The following DOCK3 variants were observed in gnomAD, a reference collection of about 807,000 sequenced individuals.
The protein encoded by DOCK3 is dedicator of cytokinesis protein 3.
A neutral mutation model predicts 265.6 loss-of-function variants in DOCK3; 60 were observed. The observed-to-expected ratio is 0.23, with a 90% confidence interval of 0.18 to 0.28. DOCK3 has a LOEUF of 0.28. DOCK3 is among the 10% of genes least tolerant of loss of function. DOCK3 has a pLI of 1.00. For missense variants in DOCK3, 1,981 were observed against 2,594.3 expected, an observed-to-expected ratio of 0.76 and a Z score of 5.14; for synonymous variants, 881 against 938.0, an observed-to-expected ratio of 0.94 and a Z score of 1.11.
chr3:50,895,917 T>C (rs2048872381), intron 4 of DOCK3, among the ~76,000 whole-genome samples: 1 of 152,230 alleles, frequency 6.6e-6, no homozygotes, highest in African/African-American at 2.4e-5. Context: ...AGTCTATCAT[T>C]GAAGGGCATT....
At chr3:50,726,261 C>T (rs151253636) in intron 1 of DOCK3, among the ~76,000 whole-genome samples, 1 of 152,218 alleles carries the variant, frequency 6.6e-6, no homozygotes, top group East Asian at 1.9e-4. Flanking sequence ...GTGGATTCAG[C>T]AGGCTGACTG....
chr3:51,052,478 C>T (rs1399670987), intron 5 of DOCK3, among the ~76,000 whole-genome samples: 1 of 152,120 alleles, frequency 6.6e-6, no homozygotes, highest in Non-Finnish European at 1.5e-5. Context: ...CCAACCTAGG[C>T]AGCAGAGCAA....
intron 1 of DOCK3, among the ~76,000 whole-genome samples, chr3:50,731,090 C>G (rs2038180844): frequency 6.6e-6 from 1 of 151,402 alleles, no homozygotes; most frequent in Non-Finnish European, 1.5e-5. Flanking sequence ...CGAGATCCCA[C>G]CACTGCACTC....
intron 1 of DOCK3, among the ~76,000 whole-genome samples, chr3:50,714,363 C>A (rs2036963535): frequency 6.6e-6 from 1 of 152,202 alleles, no homozygotes; most frequent in Admixed American, 6.5e-5. Context: ...AGCTTTGTCC[C>A]AATCACCAAG....
At chr3:50,831,388 C>T (rs1311377426) in intron 2 of DOCK3, among the ~76,000 whole-genome samples, 1 of 151,998 alleles carries the variant, frequency 6.6e-6, no homozygotes, top group Non-Finnish European at 1.5e-5. Context: ...AGTCCCCCAC[C>T]CTCTGACATG....
rs201894970 is a variant in DOCK3 at position 51,341,295 on chromosome 3, A to G, written c.3825A>G (p.Leu1275=). The G allele has an allele frequency of 6.2e-7, 1 of 1,612,236 alleles. No individual in the cohort carries two copies. Among genetic ancestry groups the G allele is most frequent in the East Asian group, 2.2e-5 (1 of 44,872 alleles). The part of the protein sequence containing the change: ...CELLQWEDRP[L]REFLHYPSQT... Reference sequence around the variant, plus strand: ...TGCTGCAGTGGGAGGACCGGCCACTACGGGAATTCCTCCACTACCCATCGC... The same window carrying G: ...TGCTGCAGTGGGAGGACCGGCCACTGCGGGAATTCCTCCACTACCCATCGC... The change falls in exon 38 of 53, where the codon CTA becomes CTG. Residue 1275 remains leucine, a synonymous_variant. Coordinates refer to ENST00000266037, the MANE Select transcript of DOCK3 (RefSeq NM_004947.5).
chr3:51,304,755 A>G (rs1176923370), intron 27 of DOCK3, among the ~76,000 whole-genome samples: 2 of 151,968 alleles, frequency 1.3e-5, no homozygotes, highest in African/African-American at 4.8e-5. Context: ...CCATCGCACC[A>G]CCCTGCTTTT....
intron 32 of DOCK3, among the ~76,000 whole-genome samples, chr3:51,325,590 C>A (rs1299973297): frequency 6.6e-6 from 1 of 152,162 alleles, no homozygotes; most frequent in Non-Finnish European, 1.5e-5. Context: ...ATAAATCATT[C>A]TACTATAAAG....
intron 33 of DOCK3, 141 bp downstream of exon 33, chr3:51,330,364 G>A: frequency 7.7e-6 from 5 of 649,674 alleles, no homozygotes; most frequent in Non-Finnish European, 1.3e-5. Flanking sequence ...TGGTAGCAAT[G>A]CTCAACTTCT....
intron 1 of DOCK3, among the ~76,000 whole-genome samples, chr3:50,758,807 T>C (rs139461953): frequency 1.7e-4 from 26 of 152,364 alleles, no homozygotes; most frequent in African/African-American, 6.3e-4. Context: ...TATTGTAAGA[T>C]TGAAAAATCA....
chr3:50,755,316 A>G (rs755833356), intron 1 of DOCK3, among the ~76,000 whole-genome samples: 5 of 152,212 alleles, frequency 3.3e-5, no homozygotes, highest in Admixed American at 6.5e-5. Context: ...AACATCTTGC[A>G]TTTTTGTAAG....
chr3:50,968,747 A>C (rs2108446573), intron 5 of DOCK3, among the ~76,000 whole-genome samples: 1 of 152,172 alleles, frequency 6.6e-6, no homozygotes, highest in South Asian at 2.1e-4. Context: ...ACGGGGTTTC[A>C]CCATGTTGGC....
intron 1 of DOCK3, among the ~76,000 whole-genome samples, chr3:50,698,517 G>GTTTTTTTTTGTTTTTTTTTTTTTTT (rs2035796074): frequency 5.1e-5 from 1 of 19,504 alleles, no homozygotes; most frequent in Non-Finnish European, 1.2e-4. Context: ...TATGTTTTTG[G>GTTTTTTTTTGTTTTTTTTTTTTTTT]TTTTTTTTTT....
intron 25 of DOCK3, among the ~76,000 whole-genome samples, chr3:51,276,704 A>G (rs556790568): frequency 2.0e-5 from 3 of 152,284 alleles, no homozygotes; most frequent in South Asian, 2.1e-4. Context: ...GTTCACCTCT[A>G]TATATTCAGG....
rs1177245752 is a variant in DOCK3, at chr3:50,978,085, TTGAGTGTCCTCCCGTAGCTCAG to T, written c.315+44009_315+44030del. 3.3e-5 allele frequency among the ~76,000 whole-genome samples: 5 copies of T among 152,230 alleles called. No individual in the cohort carries two copies. In the South Asian group the frequency reaches 1.0e-3, roughly 32 times the overall value. ...AGTTTTCAACTTCTTTGCCTTTGGT[TTGAGTGTCCTCCCGTAGCTCAG>T]AGTAATTTGATCGTCTGAAGCCTTC... On this transcript the variant is annotated intron_variant, in intron 5 of 52. Coordinates refer to ENST00000266037, the MANE Select transcript of DOCK3 (RefSeq NM_004947.5).
chr3:51,062,951 A>G (rs990024203), intron 5 of DOCK3, among the ~76,000 whole-genome samples: 28 of 152,168 alleles, frequency 1.8e-4, no homozygotes, highest in Admixed American at 1.8e-3. Context: ...GTGAGTTCTC[A>G]CCTTTTTCCA....
At chr3:51,288,891 T>G (rs1560361525) in intron 27 of DOCK3, among the ~76,000 whole-genome samples, 2 of 149,258 alleles carry the variant, frequency 1.3e-5, no homozygotes, top group African/African-American at 2.5e-5. Flanking sequence ...TGTGGGTGTG[T>G]GTGTGTGTGT....
chr3:50,833,333 A>G (rs1422708556), intron 2 of DOCK3, among the ~76,000 whole-genome samples: 2 of 152,210 alleles, frequency 1.3e-5, no homozygotes, highest in African/African-American at 4.8e-5. Flanking sequence ...CATTTTTACT[A>G]AAGACAAATC....
intron 9 of DOCK3, among the ~76,000 whole-genome samples, chr3:51,095,045 T>C (rs1026042142): frequency 5.3e-5 from 8 of 151,934 alleles, no homozygotes; most frequent in Admixed American, 5.2e-4. Context: ...GCTCCATACC[T>C]TTCTTTTGAG....
Sources: gnomAD v4.1 joint callset for allele counts (sites outside exome capture counted in the v4.1 genomes callset) on GRCh38, gnomAD v4.1.1 for gene constraint, MANE v1.5 for transcripts, NCBI Gene and HGNC (gene_info 2026-07-23, HGNC 2026-07-21) for gene names.